The following HS3ST4 variants were observed in gnomAD, a reference collection of about 807,000 sequenced individuals.
HS3ST4 encodes heparan sulfate-glucosamine 3-sulfotransferase 4.
A neutral mutation model predicts 29.2 loss-of-function variants in HS3ST4; 17 were observed. That is an observed-to-expected ratio of 0.58 (90% CI 0.40 to 0.87). The LOEUF is 0.87. Ranked by LOEUF, HS3ST4 falls within the 40% of genes least tolerant of loss-of-function variation. HS3ST4 has a pLI of 0.00. For missense variants in HS3ST4, 627 were observed against 634.5 expected, an observed-to-expected ratio of 0.99 and a Z score of 0.13; for synonymous variants, 314 against 285.7, an observed-to-expected ratio of 1.10 and a Z score of -1.00.
intron 1 of HS3ST4, among the ~76,000 whole-genome samples, chr16:25,762,033 C>G (rs1966791456): frequency 6.6e-6 from 1 of 152,036 alleles, no homozygotes. Context: ...TGGGGAGTCA[C>G]TTAGGTTTAG....
Position 26,047,601 on chromosome 16 carries a change from G to A in HS3ST4, c.735-88011G>A, listed in dbSNP as rs115995994. ...TCAGAGTGCTTAAGAAGTCATCCAG[G>A]TCACACAGCTAGTAAATGAAAAAGG... On this transcript the variant is annotated intron_variant, in intron 1 of 1. Transcript: ENST00000331351. Among the ~76,000 whole-genome samples, 398 of 152,188 alleles carry A rather than the reference G, an allele frequency of 2.6e-3. 2 individuals are homozygous for A. Among genetic ancestry groups the A allele is most frequent in the African/African-American group, 9.1e-3 (377 of 41,518 alleles).
chr16:26,037,107 G>T (rs1969590564), intron 1 of HS3ST4, among the ~76,000 whole-genome samples: 1 of 152,172 alleles, frequency 6.6e-6, no homozygotes, highest in Admixed American at 6.5e-5. Context: ...AATGATCTAA[G>T]CTCAGCCTAC....
chr16:25,698,802 C>T (rs931987227), intron 1 of HS3ST4, among the ~76,000 whole-genome samples: 2 of 152,152 alleles, frequency 1.3e-5, no homozygotes, highest in Non-Finnish European at 2.9e-5. Flanking sequence ...GTGTGCATCT[C>T]CTTACCCTTT....
chr16:25,745,068 G>T (rs1188653710), intron 1 of HS3ST4, among the ~76,000 whole-genome samples: 2 of 152,096 alleles, frequency 1.3e-5, no homozygotes, highest in African/African-American at 4.8e-5. Flanking sequence ...TGAAAGTCTT[G>T]AAAACGATTC....
chr16:26,023,948 G>A (rs769661701), intron 1 of HS3ST4, among the ~76,000 whole-genome samples: 5 of 152,276 alleles, frequency 3.3e-5, no homozygotes, highest in Middle Eastern at 3.4e-3. Context: ...AATGTCAATG[G>A]GTGCGGTGGC....
At chr16:25,907,103 A>G (rs577235328) in intron 1 of HS3ST4, among the ~76,000 whole-genome samples, 1 of 152,266 alleles carries the variant, frequency 6.6e-6, no homozygotes, top group East Asian at 1.9e-4. Flanking sequence ...AGGTAGAGGC[A>G]CAAACTCACT....
At chr16:25,876,580 A>C (rs1387268409) in intron 1 of HS3ST4, among the ~76,000 whole-genome samples, 1 of 152,042 alleles carries the variant, frequency 6.6e-6, no homozygotes, top group African/African-American at 2.4e-5. Flanking sequence ...CTCATCTCTT[A>C]TTGGTTCTAA....
chr16:26,120,059 GTGTGTGTGTGTA>G (rs1486277140), intron 1 of HS3ST4, among the ~76,000 whole-genome samples: 1 of 114,968 alleles, frequency 8.7e-6, no homozygotes, highest in African/African-American at 3.3e-5. Context: ...GGAAGTGTGT[GTGTGTGTGTGTA>G]TGTGTGTGTG....
chr16:25,743,297 A>C (rs1596558314), intron 1 of HS3ST4, among the ~76,000 whole-genome samples: 1 of 152,206 alleles, frequency 6.6e-6, no homozygotes, highest in African/African-American at 2.4e-5. Flanking sequence ...TATCTGTACA[A>C]ATAGGGATAA....
chr16:25,917,420 C>T (rs1451342228), intron 1 of HS3ST4, among the ~76,000 whole-genome samples: 1 of 152,118 alleles, frequency 6.6e-6, no homozygotes, highest in Non-Finnish European at 1.5e-5. Context: ...ACAACATTGG[C>T]CAGGCTGGTC....
chr16:25,810,567 T>C (rs1235241733), intron 1 of HS3ST4, among the ~76,000 whole-genome samples: 1 of 152,200 alleles, frequency 6.6e-6, no homozygotes, highest in Non-Finnish European at 1.5e-5. Context: ...CGCCCCCAGT[T>C]TCTCCTTTCA....
In HS3ST4 at chr16:25,692,621, G is replaced by T. The variant is rs1966261788; in HGVS notation, c.204G>T (p.Ser68=). 3.7e-6 allele frequency: 5 copies of T among 1,368,658 alleles called. No individual in the cohort carries two copies. Among genetic ancestry groups the T allele is most frequent in the Non-Finnish European group, 3.8e-6 (4 of 1,050,978 alleles). 84.8% of individuals were successfully genotyped at this position (1,368,658 alleles called of 1,614,324 possible). The change falls in exon 1 of 2, where the codon TCG becomes TCT. Residue 68 remains serine (S), a synonymous_variant. Coordinates refer to ENST00000331351, the MANE Select transcript of HS3ST4 (RefSeq NM_006040.3). ...SLQFPLALQE[S]PGAAAEPPPS... is the part of the protein sequence containing the mutation. ...AATTCCCTCTGGCGCTGCAGGAGTCGCCGGGCGCCGCCGCCGAGCCCCCGC... is the reference window on the plus strand; with the variant it reads ...AATTCCCTCTGGCGCTGCAGGAGTCTCCGGGCGCCGCCGCCGAGCCCCCGC...
intron 1 of HS3ST4, among the ~76,000 whole-genome samples, chr16:26,078,829 T>C (rs1898694850): frequency 6.6e-6 from 1 of 152,236 alleles, no homozygotes; most frequent in Non-Finnish European, 1.5e-5. Flanking sequence ...CGATGCTGTA[T>C]TTCCCTTGAA....
intron 1 of HS3ST4, among the ~76,000 whole-genome samples, chr16:26,096,903 A>G (rs202195208): frequency 6.6e-6 from 1 of 152,348 alleles, no homozygotes; most frequent in East Asian, 1.9e-4. Context: ...TACAAAATCA[A>G]TGTGCAAAAA....
At chr16:25,876,194 T>G (rs545640378) in intron 1 of HS3ST4, among the ~76,000 whole-genome samples, 1 of 152,172 alleles carries the variant, frequency 6.6e-6, no homozygotes. Flanking sequence ...TCTCTGTGAC[T>G]TCTGACATGC....
chr16:26,129,153 G>A (rs12598136), intron 1 of HS3ST4, among the ~76,000 whole-genome samples: 10,901 of 152,240 alleles, frequency 0.072, 699 homozygotes, highest in African/African-American at 0.17. Context: ...GGAGAGAGAT[G>A]TCACAAATTG....
intron 1 of HS3ST4, chr16:26,063,071 G>T: frequency 6.2e-6 from 1 of 162,110 alleles, no homozygotes; most frequent in South Asian, 1.6e-4. Context: ...CTTGGCCAAA[G>T]AGCAGAATAA....
chr16:26,027,035 G>C (rs1969483011), intron 1 of HS3ST4, among the ~76,000 whole-genome samples: 1 of 152,170 alleles, frequency 6.6e-6, no homozygotes, highest in African/African-American at 2.4e-5. Context: ...TTTCTTCAGA[G>C]TACCCCTGCT....
intron 1 of HS3ST4, among the ~76,000 whole-genome samples, chr16:26,042,356 G>C (rs763112912): frequency 0.02 from 2,611 of 130,662 alleles, 74 homozygotes; most frequent in African/African-American, 0.074. Context: ...ATTTATCTCT[G>C]TGTGTGTGTG....
Sources: allele counts gnomAD v4.1 joint callset (sites outside exome capture counted in the v4.1 genomes callset), GRCh38; gene constraint gnomAD v4.1.1; transcripts MANE v1.5; gene names NCBI Gene and HGNC (gene_info 2026-07-23, HGNC 2026-07-21).